Variants in DPH6 observed in about 807,000 individuals in gnomAD.
The protein encoded by DPH6 is diphthine--ammonia ligase.
Under a neutral mutation model 38.2 loss-of-function variants are expected in DPH6, and 33 were observed. The ratio of observed to expected loss-of-function variants is 0.86; its 90% CI spans 0.65 to 1.15. The LOEUF is 1.15. Among genes scored for constraint, DPH6 ranks in the 50% most tolerant of loss-of-function variants. The pLI is 0.00. For synonymous variants in DPH6, 108 were observed against 103.0 expected, an observed-to-expected ratio of 1.05 and a Z score of -0.30; for missense variants, 325 against 320.0, an observed-to-expected ratio of 1.02 and a Z score of -0.12.
intron 3 of DPH6, among the ~76,000 whole-genome samples, chr15:35,297,257 C>A (rs1005031547): frequency 6.6e-6 from 1 of 152,084 alleles, no homozygotes; most frequent in African/African-American, 2.4e-5. Context: ...TTTCTGTCAA[C>A]TGCCTTTTTT....
rs34907758 is a variant in DPH6, at chr15:35,538,464, C to G, written c.122G>C (p.Gly41Ala). ...ANLRPAENQV[G>A]SDELDSYMYQ... The stretch of plus-strand genomic sequence containing the variant: ...CATGTAGCTATCCAGTTCATCAGAC[C>G]CCACTGCAACAATTAAAATGGAAAT... The change falls in exon 3 of 9, where the codon GGG becomes GCG. Residue 41 changes from glycine to alanine, a missense_variant. By Grantham distance (60) the Gly-to-Ala change is moderately conservative. Transcript: ENST00000256538. 482 of 1,512,592 alleles carry G rather than the reference C, an allele frequency of 3.2e-4. 4 individuals are homozygous for G. The Admixed American group carries it at 8.4e-3, about 26-fold the overall frequency. The allele number at this position is 1,512,592 out of a possible 1,614,324, so 93.7% of individuals were successfully genotyped here.
the DPH6 span, among the ~76,000 whole-genome samples, chr15:35,203,732 T>C: frequency 3.3e-5 from 5 of 151,786 alleles, no homozygotes; most frequent in Non-Finnish European, 4.4e-5. Context: ...GATTTCATAC[T>C]GATATTTTTC....
At chr15:35,353,597 T>C (rs2052534355) in intron 3 of DPH6, among the ~76,000 whole-genome samples, 1 of 152,196 alleles carries the variant, frequency 6.6e-6, no homozygotes, top group African/African-American at 2.4e-5. Context: ...TGTAGATATG[T>C]GGCGTTATTT....
downstream of DPH6, among the ~76,000 whole-genome samples, chr15:35,330,419 T>C (rs1409492857): frequency 6.6e-6 from 1 of 152,150 alleles, no homozygotes; most frequent in African/African-American, 2.4e-5. Flanking sequence ...TATGTCAATA[T>C]CTTGTAAGAG....
chr15:35,533,363 C>A (rs539680249), intron 3 of DPH6, among the ~76,000 whole-genome samples: 1 of 152,252 alleles, frequency 6.6e-6, no homozygotes, highest in East Asian at 1.9e-4. Flanking sequence ...ACAACTGACT[C>A]ATGAATATGT....
downstream of DPH6, among the ~76,000 whole-genome samples, chr15:35,329,692 T>C (rs570795677): frequency 8.5e-5 from 13 of 152,256 alleles, no homozygotes; most frequent in South Asian, 4.1e-4. Flanking sequence ...AAGAAATACA[T>C]TGTGGTTTCT....
chr15:35,441,836 A>ATG (rs2053792982), intron 5 of DPH6, among the ~76,000 whole-genome samples: 1 of 151,970 alleles, frequency 6.6e-6, no homozygotes, highest in South Asian at 2.1e-4. Flanking sequence ...TCATATATGT[A>ATG]TGTGTGTGTG....
Position 35,222,716 on chromosome 15 carries a change from C to G in DPH6, n.201-2134G>C, listed in dbSNP as rs531806051. 1.2e-4 allele frequency among the ~76,000 whole-genome samples: 19 copies of G among 152,228 alleles called. No homozygotes were observed. The South Asian group carries it at 3.7e-3, about 30-fold the overall frequency. ...TAAACAATAGGGAAGAGGAAGCAAT[C>G]AGATACGCATTTGTCTCAGGTGAGC... On this transcript the variant is annotated intron_variant and non_coding_transcript_variant, in intron 3 of 3. Transcript: ENST00000560386.
At chr15:35,510,471 A>G (rs905095492) in intron 3 of DPH6, among the ~76,000 whole-genome samples, 1 of 152,250 alleles carries the variant, frequency 6.6e-6, no homozygotes. Context: ...CAACTCCTGC[A>G]TATGTATCAG....
At chr15:35,254,799 T>G (rs936721488) in intron 3 of DPH6, among the ~76,000 whole-genome samples, 7 of 152,036 alleles carry the variant, frequency 4.6e-5, no homozygotes, top group Non-Finnish European at 1.0e-4. Flanking sequence ...TGGGGCCGTT[T>G]TATAGGATTT....
chr15:35,260,399 C>A (rs1566853049), intron 3 of DPH6, among the ~76,000 whole-genome samples: 1 of 151,766 alleles, frequency 6.6e-6, no homozygotes, highest in Non-Finnish European at 1.5e-5. Context: ...AGCCACCGCG[C>A]CCAGCCAGGA....
intron 3 of DPH6, among the ~76,000 whole-genome samples, chr15:35,257,047 G>C (rs1053774581): frequency 6.6e-6 from 1 of 152,232 alleles, no homozygotes; most frequent in Middle Eastern, 3.4e-3. Context: ...GGGGAGTGCT[G>C]GTGACTGGGG....
chr15:35,271,354 G>T (rs1332769498), intron 3 of DPH6, among the ~76,000 whole-genome samples: 1 of 152,088 alleles, frequency 6.6e-6, no homozygotes, highest in Non-Finnish European at 1.5e-5. Flanking sequence ...TTGAAGAAAA[G>T]GGATATGAAA....
intron 3 of DPH6, chr15:35,237,513 TAAAC>T (rs1640441613): frequency 1.8e-5 from 28 of 1,559,584 alleles, no homozygotes; most frequent in South Asian, 1.0e-4. Flanking sequence ...TTACCGAAGT[TAAAC>T]AAACTTAAGA....
intron 3 of DPH6, among the ~76,000 whole-genome samples, chr15:35,279,075 A>G (rs2051879861): frequency 7.1e-6 from 1 of 141,676 alleles, no homozygotes; most frequent in Admixed American, 7.1e-5. Flanking sequence ...AAAAATATAT[A>G]TATATATATA....
intron 3 of DPH6, among the ~76,000 whole-genome samples, chr15:35,297,435 C>T (rs1315061410): frequency 1.3e-5 from 2 of 151,960 alleles, no homozygotes; most frequent in African/African-American, 2.4e-5. Flanking sequence ...AATCCTGAGG[C>T]CAGTTCCTGT....
At chr15:35,294,037 T>C (rs888704801) in intron 3 of DPH6, among the ~76,000 whole-genome samples, 16 of 152,160 alleles carry the variant, frequency 1.1e-4, no homozygotes, top group African/African-American at 3.6e-4. Context: ...TGCTCCAACT[T>C]TGACTAACTC....
intron 3 of DPH6, among the ~76,000 whole-genome samples, chr15:35,341,402 G>A (rs937692764): frequency 1.3e-5 from 2 of 152,166 alleles, no homozygotes; most frequent in African/African-American, 2.4e-5. Context: ...GCCCAGTTCT[G>A]TGCCCTTGCT....
intron 5 of DPH6, among the ~76,000 whole-genome samples, chr15:35,423,091 C>T (rs1391706832): frequency 4.6e-5 from 7 of 151,696 alleles, no homozygotes; most frequent in Admixed American, 1.3e-4. Flanking sequence ...GTGTGATTGC[C>T]GGATCATACA....
Sources: gnomAD v4.1 joint callset for allele counts (sites outside exome capture counted in the v4.1 genomes callset) on GRCh38, gnomAD v4.1.1 for gene constraint, MANE v1.5 for transcripts, NCBI Gene and HGNC (gene_info 2026-07-23, HGNC 2026-07-21) for gene names.